TRAP1: variants seen among roughly 807,000 people sequenced by gnomAD.
TRAP1 encodes the protein heat shock protein 75 kDa, mitochondrial.
TRAP1 carries 102 observed loss-of-function variants against 89.1 expected under a neutral mutation model. The ratio of observed to expected loss-of-function variants is 1.15; its 90% CI spans 0.98 to 1.35. The LOEUF (loss-of-function observed/expected upper bound fraction) is 1.35. Ranked by LOEUF, TRAP1 falls within the 40% of genes most tolerant of loss-of-function variation. The probability of loss-of-function intolerance (pLI) is 0.00; values close to 1 mark genes in which losing one functional copy is unlikely to be tolerated. For synonymous variants in TRAP1, 508 were observed against 388.0 expected (o/e 1.31, Z -3.64); for missense variants, 1,256 against 945.3 (o/e 1.33, Z -4.31).
chr16:3,665,241 TC>T (rs2050803426), intron 12 of TRAP1: 1 of 152,144 alleles, frequency 6.6e-6, no homozygotes, highest in Non-Finnish European at 1.5e-5. Context: ...GAACACGGCC[TC>T]CTTGGGACCC....
chr16:3,695,484 C>T (rs1209676564), intron 1 of TRAP1, among the ~76,000 whole-genome samples: 9 of 146,860 alleles, frequency 6.1e-5, no homozygotes, highest in Non-Finnish European at 1.3e-4. Context: ...TGCAGTGAGC[C>T]GAGGTCGCAC....
chr16:3,702,694 G>A (rs554301814), intron 1 of TRAP1, among the ~76,000 whole-genome samples: 3 of 150,596 alleles, frequency 2.0e-5, no homozygotes, highest in East Asian at 2.0e-4. Flanking sequence ...GCAGTGAGCC[G>A]AGATCACACC....
chr16:3,698,095 A>G (rs1195863702), intron 1 of TRAP1, among the ~76,000 whole-genome samples: 1 of 150,956 alleles, frequency 6.6e-6, no homozygotes, highest in East Asian at 2.0e-4. Flanking sequence ...ACAGGCACAA[A>G]CCACTACACC....
In TRAP1 at chr16:3,671,777, C is replaced by T; in HGVS notation, c.1180G>A (p.Glu394Lys). The T allele has an allele frequency of 6.2e-7, 1 of 1,612,856 alleles. No homozygotes were observed. The highest frequency in any genetic ancestry group is 1.1e-5 in the South Asian group (1 of 91,090). Residue 394 changes from glutamate (E) to lysine (K), a missense_variant, in exon 11 of 18, where the codon GAG (glutamate) becomes AAG (lysine). Glu to Lys is a moderately conservative substitution (Grantham distance 56). Coordinates refer to ENST00000246957, the MANE Select transcript of TRAP1 (RefSeq NM_016292.3). ...LRFIRGVVDS[E>K]DIPLNLSREL... ...CGGCTGAGGTTCAGGGGAATGTCCT[C>T]ACTGTCCACCACACCTGGGAGACAC...
chr16:3,716,326 A>G (rs1186350528), intron 1 of TRAP1, among the ~76,000 whole-genome samples: 1 of 152,252 alleles, frequency 6.6e-6, no homozygotes, highest in African/African-American at 2.4e-5. Context: ...AGGCTCTGAA[A>G]TATCAATTCT....
chr16:3,694,860 C>A (rs2051265130), intron 1 of TRAP1, among the ~76,000 whole-genome samples: 1 of 152,130 alleles, frequency 6.6e-6, no homozygotes, highest in African/African-American at 2.4e-5. Flanking sequence ...CAGTAACAGA[C>A]ACTTATTCTC....
chr16:3,670,199 G>T (rs562088839), intron 11 of TRAP1, among the ~76,000 whole-genome samples: 2 of 150,008 alleles, frequency 1.3e-5, no homozygotes, highest in South Asian at 4.2e-4. Context: ...TGGCTAACAC[G>T]GTGAAACCCT....
At chr16:3,708,331 CA>C (rs368749754) in intron 1 of TRAP1, among the ~76,000 whole-genome samples, 1 of 149,728 alleles carries the variant, frequency 6.7e-6, no homozygotes, top group Non-Finnish European at 1.5e-5. Context: ...ACTAAAAATA[CA>C]AAAAAAAACA....
At chr16:3,701,466 T>C (rs1443779204) in intron 1 of TRAP1, among the ~76,000 whole-genome samples, 3 of 150,062 alleles carry the variant, frequency 2.0e-5, no homozygotes, top group Admixed American at 1.3e-4. Context: ...AACAGGAGAA[T>C]CGCTTGAACC....
At chr16:3,675,170 CCT>C (rs1433429146) in intron 8 of TRAP1, among the ~76,000 whole-genome samples, 152 bp downstream of exon 8, 4 of 152,104 alleles carry the variant, frequency 2.6e-5, no homozygotes, top group Non-Finnish European at 5.9e-5. Context: ...GAGCTGGGCC[CCT>C]GTCTCATCCC....
At chr16:3,658,739 C>G (rs1314332826) in intron 17 of TRAP1, 54 bp downstream of exon 17, 18 of 1,535,644 alleles carry the variant, frequency 1.2e-5, no homozygotes, top group Non-Finnish European at 1.6e-5. Context: ...TGAAGGCAGG[C>G]TGGCAGGGCT....
At chr16:3,662,455 G>A in intron 15 of TRAP1, 3 of 535,660 alleles carry the variant, frequency 5.6e-6, no homozygotes, top group Non-Finnish European at 1.0e-5. Context: ...CCATGCATGG[G>A]ACGCTCATTT....
At chr16:3,695,400 G>A (rs944931480) in intron 1 of TRAP1, among the ~76,000 whole-genome samples, 1 of 151,980 alleles carries the variant, frequency 6.6e-6, no homozygotes, top group African/African-American at 2.4e-5. Flanking sequence ...AGCCAGACGT[G>A]GTGGCGCACT....
rs1238448761 is a variant in TRAP1, at chr16:3,686,028, T to A, written c.439A>T (p.Thr147Ser). The change falls in exon 4 of 18, where the codon ACC becomes TCC. Residue 147 changes from threonine (T) to serine (S), a missense_variant. Transcript: ENST00000246957. Reference protein sequence around the residue: ...ALPEMEIHLQTNAEKGTITIQ... With the variant: ...ALPEMEIHLQSNAEKGTITIQ... ...GTGATGGTGCCTTTCTCGGCATTGG[T>A]CTGCAAGTGAATCTCCATTTCTGGC... is the stretch of plus-strand genomic sequence containing the variant. The A allele has an allele frequency of 3.7e-6, 6 of 1,614,020 alleles. No individual in the cohort carries two copies. Among genetic ancestry groups the A allele is most frequent in the Non-Finnish European group, 5.1e-6 (6 of 1,179,984 alleles).
intron 1 of TRAP1, among the ~76,000 whole-genome samples, chr16:3,710,225 G>T (rs1401967912): frequency 6.6e-6 from 1 of 152,226 alleles, no homozygotes; most frequent in Non-Finnish European, 1.5e-5. Flanking sequence ...CTTTGCTCAT[G>T]GAAGACTACT....
intron 1 of TRAP1, among the ~76,000 whole-genome samples, chr16:3,715,834 G>A (rs1157448869): frequency 2.6e-5 from 4 of 152,106 alleles, no homozygotes; most frequent in Admixed American, 1.3e-4. Context: ...CTAGAAGAGA[G>A]CAACAGCATC....
chr16:3,666,415 A>C (rs964352714), intron 11 of TRAP1, among the ~76,000 whole-genome samples: 4 of 152,094 alleles, frequency 2.6e-5, no homozygotes, highest in African/African-American at 9.7e-5. Flanking sequence ...CAGTTGTTCC[A>C]ATTATAGGAA....
chr16:3,709,282 T>A (rs897759709), intron 1 of TRAP1, among the ~76,000 whole-genome samples: 6 of 148,556 alleles, frequency 4.0e-5, no homozygotes, highest in Non-Finnish European at 7.4e-5. Flanking sequence ...AAAATGGCCA[T>A]TCACAAAAAC....
chr16:3,691,697 T>G (rs2051216657), intron 1 of TRAP1, among the ~76,000 whole-genome samples: 1 of 152,092 alleles, frequency 6.6e-6, no homozygotes, highest in Non-Finnish European at 1.5e-5. Context: ...GGGATCCAAA[T>G]ATTTAAATGT....
Sources: allele counts gnomAD v4.1 joint callset (sites outside exome capture counted in the v4.1 genomes callset), GRCh38; gene constraint gnomAD v4.1.1; transcripts MANE v1.5; gene names NCBI Gene and HGNC (gene_info 2026-07-23, HGNC 2026-07-21).